The following ARHGEF17 variants were observed in gnomAD, a reference collection of about 807,000 sequenced individuals.
The protein encoded by ARHGEF17 is 164 kDa Rho-specific guanine-nucleotide exchange factor.
ARHGEF17 carries 80 observed loss-of-function variants against 174.0 expected under a neutral mutation model. That is an observed-to-expected ratio of 0.46 (90% CI 0.38 to 0.55). The LOEUF (loss-of-function observed/expected upper bound fraction) is 0.55, where lower values mean the gene tolerates loss of function less well. Ranked by LOEUF, ARHGEF17 falls within the 20% of genes least tolerant of loss-of-function variation. The pLI is 0.00. For missense variants in ARHGEF17, 2,886 were observed against 2,839.7 expected, an observed-to-expected ratio of 1.02 and a Z score of -0.37; for synonymous variants, 1,311 against 1,189.1, an observed-to-expected ratio of 1.10 and a Z score of -2.11.
At chr11:73,340,359 AC>A (rs766236518) in intron 1 of ARHGEF17, among the ~76,000 whole-genome samples, 36 of 152,010 alleles carry the variant, frequency 2.4e-4, no homozygotes, top group Non-Finnish European at 4.1e-4. Flanking sequence ...TCTTCTGGGC[AC>A]CCATATGCCT....
chr11:73,360,505 G>T lies in ARHGEF17; in HGVS notation c.4392G>T (p.Gln1464His). Residue 1464 changes from glutamine (Q) to histidine (H), a missense_variant, in exon 11 of 21, where the codon CAG becomes CAT. Coordinates refer to ENST00000263674, the MANE Select transcript of ARHGEF17 (RefSeq NM_014786.4). ...CTGACGCCCGCCTTGGTTTTGAACAGGCCTTCGATGAGGCCAAGAGGAAGC... is the reference window on the plus strand; with the variant it reads ...CTGACGCCCGCCTTGGTTTTGAACATGCCTTCGATGAGGCCAAGAGGAAGC... Reference protein sequence around the residue: ...PHPDARLGFEQAFDEAKRKLA... With the variant: ...PHPDARLGFEHAFDEAKRKLA... The T allele has an allele frequency of 6.2e-7, 1 of 1,613,938 alleles. No individual in the cohort carries two copies. Among genetic ancestry groups the T allele is most frequent in the Non-Finnish European group, 8.5e-7 (1 of 1,180,044 alleles).
chr11:73,324,357 G>A (rs1865068088), intron 1 of ARHGEF17, among the ~76,000 whole-genome samples: 1 of 152,152 alleles, frequency 6.6e-6, no homozygotes, highest in South Asian at 2.1e-4. Flanking sequence ...AAATAATGTG[G>A]GGGAGGCAGG....
chr11:73,323,602 G>C (rs1449449009), intron 1 of ARHGEF17, among the ~76,000 whole-genome samples: 1 of 152,208 alleles, frequency 6.6e-6, no homozygotes, highest in Admixed American at 6.5e-5. Flanking sequence ...TCAGATGCCT[G>C]AGCGCCCTCC....
intron 1 of ARHGEF17, among the ~76,000 whole-genome samples, chr11:73,345,341 C>T (rs907109111): frequency 1.1e-4 from 16 of 152,112 alleles, no homozygotes; most frequent in African/African-American, 3.4e-4. Context: ...AGCCAGCCCC[C>T]CTTCCTCCCT....
Position 73,308,890 on chromosome 11 carries a change from G to T in ARHGEF17, c.252G>T (p.Gln84His), listed in dbSNP as rs1864743901. 2.2e-6 allele frequency: 3 copies of T among 1,363,582 alleles called. No homozygotes were observed. The highest frequency in any genetic ancestry group is 1.5e-5 in the African/African-American group (1 of 65,304). 84.5% of individuals were successfully genotyped at this position (1,363,582 alleles called of 1,614,324 possible). ...GCAGCCTCTCGCCGTCGGTTCGCCAGCTCTCCCGGCGCTTCGACGCGCCGC... is the reference window on the plus strand; with the variant it reads ...GCAGCCTCTCGCCGTCGGTTCGCCATCTCTCCCGGCGCTTCGACGCGCCGC... ...PLRSLSPSVR[Q>H]LSRRFDAPRL... Residue 84 changes from glutamine to histidine, a missense_variant, in exon 1 of 21, where the codon CAG becomes CAT. By Grantham distance (24) the Gln-to-His change is conservative (BLOSUM62 0). Transcript: ENST00000263674.
rs775512291 is a variant in ARHGEF17, at chr11:73,309,844, C to G, written c.1206C>G (p.Asp402Glu). The change falls in exon 1 of 21, where the codon GAC becomes GAG. Residue 402 changes from aspartate (D) to glutamate (E), a missense_variant. Transcript: ENST00000263674. The stretch of plus-strand genomic sequence containing the variant: ...CCAGCACGGAGACCCTCAAGGACGA[C>G]GACCTATGGTCTAGTAGGGGTTCTG... Reference protein sequence around the residue: ...RYSSTETLKDDDLWSSRGSGG... With the variant: ...RYSSTETLKDEDLWSSRGSGG... 1 of 1,613,220 alleles carries G rather than the reference C, an allele frequency of 6.2e-7. No individual in the cohort carries two copies. Among genetic ancestry groups the G allele is most frequent in the Non-Finnish European group, 8.5e-7 (1 of 1,180,024 alleles).
At chr11:73,356,866 G>A in intron 7 of ARHGEF17, 107 bp downstream of exon 7, 1 of 1,559,322 alleles carries the variant, frequency 6.4e-7, no homozygotes, top group Non-Finnish European at 8.8e-7. Context: ...CACCCCGAGG[G>A]GAGCCCTGGT....
At position 73,350,593 on chromosome 11, in the gene ARHGEF17, C is replaced by T. The variant is rs551760451; in HGVS notation, c.3271-2237C>T. Among the ~76,000 whole-genome samples the T allele has an allele frequency of 4.9e-4, 75 of 152,256 alleles. No individual in the cohort carries two copies. The South Asian group carries it at 0.015, about 31-fold the overall frequency. On this transcript the variant is annotated intron_variant, in intron 2 of 20. Coordinates refer to ENST00000263674, the MANE Select transcript of ARHGEF17 (RefSeq NM_014786.4). ...ATTGATAAGTGTTGTTCCTGCAGGC[C>T]AGGTGTTCAAAATGAACAAAGAAGT... is the stretch of plus-strand genomic sequence containing the variant.
intron 1 of ARHGEF17, among the ~76,000 whole-genome samples, chr11:73,319,951 G>A (rs1486501290): frequency 6.6e-6 from 1 of 152,142 alleles, no homozygotes; most frequent in East Asian, 1.9e-4. Context: ...TCCCAAGAAG[G>A]GCAATTGATA....
chr11:73,364,268 C>G, intron 17 of ARHGEF17, 29 bp downstream of exon 17: 1 of 1,612,462 alleles, frequency 6.2e-7, no homozygotes, highest in Non-Finnish European at 8.5e-7. Context: ...CCACACCCTG[C>G]CCCTGTCCCC....
intron 12 of ARHGEF17, 120 bp from the exon 13 acceptor site, chr11:73,361,920 C>CCA (rs10553377): frequency 5.4e-4 from 604 of 1,122,262 alleles, no homozygotes; most frequent in Middle Eastern, 6.4e-4. Context: ...TATAGGGCAT[C>CCA]CACACACACA....
At chr11:73,356,875 G>A in intron 7 of ARHGEF17, 116 bp downstream of exon 7, 1 of 1,525,960 alleles carries the variant, frequency 6.6e-7, no homozygotes, top group South Asian at 1.1e-5. Context: ...GGGAGCCCTG[G>A]TCGAGTCCCC....
intron 18 of ARHGEF17, 77 bp downstream of exon 18, chr11:73,364,677 T>C (rs1865807417): frequency 4.6e-6 from 7 of 1,527,490 alleles, no homozygotes; most frequent in Non-Finnish European, 6.1e-6. Flanking sequence ...GAGACCATGG[T>C]AGGGGCATAA....
Position 73,368,033 on chromosome 11 carries a change from A to G in ARHGEF17, c.*253A>G, listed in dbSNP as rs1865871909. ...CGGGTGGGGGACATGTGGGCTGACC[A>G]GGACCTCTGACCCTGGAGCTTCTAC... On this transcript the variant is annotated 3_prime_UTR_variant, in exon 21 of 21. Coordinates refer to ENST00000263674, the MANE Select transcript of ARHGEF17 (RefSeq NM_014786.4). 2 of 446,448 alleles carry G rather than the reference A, an allele frequency of 4.5e-6. No individual in the cohort carries two copies. Among genetic ancestry groups the G allele is most frequent in the Non-Finnish European group, 8.1e-6 (2 of 246,410 alleles). 27.7% of individuals were successfully genotyped at this position (446,448 alleles called of 1,614,324 possible).
At chr11:73,339,980 C>T (rs186166541) in intron 1 of ARHGEF17, among the ~76,000 whole-genome samples, 1 of 152,180 alleles carries the variant, frequency 6.6e-6, no homozygotes, top group East Asian at 1.9e-4. Flanking sequence ...CTGCACATAC[C>T]CCAAAGGAGA....
At position 73,308,741 on chromosome 11, in the gene ARHGEF17, A is replaced by AC; in HGVS notation, c.108dup (p.Gly37ArgfsTer110). On this transcript the variant is annotated frameshift_variant, in exon 1 of 21. Coordinates refer to ENST00000263674, the MANE Select transcript of ARHGEF17 (RefSeq NM_014786.4). LOFTEE classifies it high-confidence loss of function. Reference sequence around the variant, plus strand: ...CGGGCTGAGGGAGGAGGACACGGACACCCCCGGCTTGAGGCGACGCGCCTC... The same window carrying AC: ...CGGGCTGAGGGAGGAGGACACGGACACCCCCCGGCTTGAGGCGACGCGCCTC... The AC allele has an allele frequency of 6.7e-7, 1 of 1,489,974 alleles. No individual in the cohort carries two copies. The highest frequency in any genetic ancestry group is 8.9e-7 in the Non-Finnish European group (1 of 1,126,084). The allele number at this position is 1,489,974 out of a possible 1,614,324, so 92.3% of individuals were successfully genotyped here. A position where few individuals can be genotyped will look rare whatever the true frequency, so the allele number is the denominator to read the frequency against.
At position 73,311,682 on chromosome 11, in the gene ARHGEF17, A is replaced by T. The variant is rs142077826; in HGVS notation, c.3044A>T (p.His1015Leu). The T allele has an allele frequency of 3.5e-4, 563 of 1,613,294 alleles. 1 individual carries two copies. The African/African-American group carries it at 6.6e-3, about 19-fold the overall frequency. ...DVTKQYMLNL[H>L]SGEVPAPVPV... ...ACCAAGCAGTACATGCTGAACCTGC[A>T]CTCCGGTGAGGTCCCTGCCCCAGTG... The change falls in exon 1 of 21, where the codon CAC becomes CTC. Residue 1015 changes from histidine to leucine, a missense_variant. Around this residue, in one of 4 missense-constraint regions of ARHGEF17, gnomAD observed 1,728 missense variants for 1,461.2 expected, o/e 1.18. Transcript: ENST00000263674.
chr11:73,311,549 G>T lies in ARHGEF17; in HGVS notation c.2911G>T (p.Val971Leu), dbSNP rs1864835507. 6.2e-7 allele frequency: 1 copy of T among 1,613,562 alleles called. No homozygotes were observed. Among genetic ancestry groups the T allele is most frequent in the Non-Finnish European group, 8.5e-7 (1 of 1,180,022 alleles). ...GCCCGCCACATTTATGCCTATTGTG[G>T]TGCCTGAGCCACCAACTTCTGTTGG... is the stretch of plus-strand genomic sequence containing the variant. The part of the protein sequence containing the change: ...SVPATFMPIV[V>L]PEPPTSVGPP... The change falls in exon 1 of 21, where the codon GTG becomes TTG. Residue 971 changes from valine to leucine, a missense_variant. Transcript: ENST00000263674.
Position 73,309,026 on chromosome 11 carries a change from C to G in ARHGEF17, c.388C>G (p.Arg130Gly). ...AGCCTGGCCCAGCGTCACCGAGATG[C>G]GCAAGCTCTTCGGCGGTCCTGGCTC... Reference protein sequence around the residue: ...RGAWPSVTEMRKLFGGPGSRR... With the variant: ...RGAWPSVTEMGKLFGGPGSRR... The change falls in exon 1 of 21, where the codon CGC (arginine) becomes GGC (glycine). Residue 130 changes from arginine (R) to glycine (G), a missense_variant. Around this residue, in one of 4 missense-constraint regions of ARHGEF17, gnomAD observed 1,728 missense variants for 1,461.2 expected, o/e 1.18. Coordinates refer to ENST00000263674, the MANE Select transcript of ARHGEF17 (RefSeq NM_014786.4). 1 of 1,428,678 alleles carries G rather than the reference C, an allele frequency of 7.0e-7. No individual in the cohort carries two copies. The highest frequency in any genetic ancestry group is 9.1e-7 in the Non-Finnish European group (1 of 1,096,402). 88.5% of individuals were successfully genotyped at this position (1,428,678 alleles called of 1,614,324 possible).
Sources: allele counts gnomAD v4.1 joint callset (sites outside exome capture counted in the v4.1 genomes callset), GRCh38; gene constraint gnomAD v4.1.1; regional missense constraint gnomAD v4.1.1; transcripts MANE v1.5; gene names NCBI Gene and HGNC (gene_info 2026-07-23, HGNC 2026-07-21).